MELK: variants seen among roughly 807,000 people sequenced by gnomAD.
MELK encodes the protein maternal embryonic leucine zipper kinase, also known as pEg3 kinase.
Under a neutral mutation model 85.0 loss-of-function variants are expected in MELK, and 81 were observed. The observed-to-expected ratio is 0.95, with a 90% CI of 0.80 to 1.15. MELK has a LOEUF of 1.15. MELK is among the 50% of genes most tolerant of loss of function. MELK has a pLI of 0.00. For missense variants in MELK, 754 were observed against 777.5 expected, an observed-to-expected ratio of 0.97 and a Z score of 0.36; for synonymous variants, 252 against 265.0, an observed-to-expected ratio of 0.95 and a Z score of 0.48.
intron 7 of MELK, among the ~76,000 whole-genome samples, chr9:36,600,681 G>A (rs760713498): frequency 2.7e-4 from 41 of 152,114 alleles, no homozygotes; most frequent in Non-Finnish European, 5.3e-4. Context: ...CACCGTGCCC[G>A]GCTCTGGCCT....
chr9:36,632,285 A>T (rs555844841), intron 9 of MELK, among the ~76,000 whole-genome samples: 1 of 152,318 alleles, frequency 6.6e-6, no homozygotes, highest in East Asian at 1.9e-4. Context: ...AGGAGTGCTG[A>T]AGCCTAGGTA....
chr9:36,604,072 C>T (rs773366167), intron 7 of MELK, among the ~76,000 whole-genome samples: 17 of 151,238 alleles, frequency 1.1e-4, no homozygotes, highest in Non-Finnish European at 1.2e-4. Context: ...CGAGTTCAAG[C>T]GATTCTCCTG....
intron 10 of MELK, among the ~76,000 whole-genome samples, chr9:36,640,578 C>G (rs1480275827): frequency 6.6e-6 from 1 of 152,152 alleles, no homozygotes. Context: ...TCCTGAGTAG[C>G]TAGGACTACG....
At chr9:36,650,557 C>T (rs1830613001) in intron 11 of MELK, among the ~76,000 whole-genome samples, 1 of 152,172 alleles carries the variant, frequency 6.6e-6, no homozygotes, top group South Asian at 2.1e-4. Flanking sequence ...TATTATCAAC[C>T]CAGAATTCTC....
At chr9:36,586,811 G>A (rs1323431595) in intron 3 of MELK, among the ~76,000 whole-genome samples, 1 of 151,998 alleles carries the variant, frequency 6.6e-6, no homozygotes, top group African/African-American at 2.4e-5. Flanking sequence ...GCTCATTTTA[G>A]TTATTTTCTA....
chr9:36,662,858 T>A (rs1831988510), intron 13 of MELK, among the ~76,000 whole-genome samples: 1 of 152,174 alleles, frequency 6.6e-6, no homozygotes, highest in Admixed American at 6.5e-5. Context: ...CTGTTAGGGC[T>A]ACTGCGTTGC....
At chr9:36,663,420 A>T (rs1313033117) in intron 13 of MELK, among the ~76,000 whole-genome samples, 5 of 152,182 alleles carry the variant, frequency 3.3e-5, no homozygotes, top group Non-Finnish European at 7.4e-5. Flanking sequence ...TTTATAGAGT[A>T]CAAGTACAAT....
rs1832263897 is a variant in MELK at position 36,665,581 on chromosome 9, G to T, written c.1408G>T (p.Ala470Ser). ...AAATCGTTACACTACACCCTCAAAA[G>T]GTATTTGCTAAGTGAATTAAGCAGT... ...TPNRYTTPSK[A>S]RNQCLKETPI... Residue 470 changes from alanine (A) to serine (S), a missense_variant and splice_region_variant, in exon 14 of 18, where the codon GCT (alanine) becomes TCT (serine). By Grantham distance (99) the Ala-to-Ser change is moderately conservative. Transcript: ENST00000298048. 1 of 1,600,952 alleles carries T rather than the reference G, an allele frequency of 6.2e-7. No homozygotes were observed. Among genetic ancestry groups the T allele is most frequent in the Admixed American group, 1.7e-5 (1 of 58,744 alleles).
intron 14 of MELK, among the ~76,000 whole-genome samples, chr9:36,666,437 C>T (rs903334692): frequency 6.6e-6 from 1 of 152,052 alleles, no homozygotes; most frequent in East Asian, 1.9e-4. Context: ...ATGCCTAGTA[C>T]ATAATAGGGG....
intron 8 of MELK, among the ~76,000 whole-genome samples, chr9:36,624,448 G>T (rs1827753505): frequency 6.6e-6 from 1 of 152,156 alleles, no homozygotes; most frequent in Admixed American, 6.6e-5. Context: ...GTAAGAGGCG[G>T]AACTGGGATT....
chr9:36,613,621 T>C (rs1271566155), intron 8 of MELK, among the ~76,000 whole-genome samples: 1 of 152,196 alleles, frequency 6.6e-6, no homozygotes, highest in East Asian at 1.9e-4. Flanking sequence ...CATGATTAAA[T>C]AAGGTGGTCA....
At chr9:36,654,297 TACG>T (rs1227850386) in intron 12 of MELK, among the ~76,000 whole-genome samples, 1 of 151,210 alleles carries the variant, frequency 6.6e-6, no homozygotes, top group African/African-American at 2.4e-5. Context: ...TTTTAAAATT[TACG>T]ACACCTCAGT....
chr9:36,644,845 A>G (rs1034974421), intron 11 of MELK, among the ~76,000 whole-genome samples: 4 of 152,326 alleles, frequency 2.6e-5, no homozygotes, highest in African/African-American at 7.2e-5. Flanking sequence ...AATTTAATCT[A>G]TATCCTACCA....
At chr9:36,614,443 T>TTTTTA (rs1554722238) in intron 8 of MELK, among the ~76,000 whole-genome samples, 1 of 129,894 alleles carries the variant, frequency 7.7e-6, no homozygotes, top group African/African-American at 3.0e-5. Flanking sequence ...TTTTTTTTTT[T>TTTTTA]AATTTATTTT....
intron 12 of MELK, among the ~76,000 whole-genome samples, chr9:36,652,836 TTG>T (rs991522871): frequency 6.6e-6 from 1 of 152,152 alleles, no homozygotes; most frequent in Non-Finnish European, 1.5e-5. Flanking sequence ...TTAATATTTA[TTG>T]TGTCTTTCCA....
chr9:36,643,191 TG>T, intron 11 of MELK, 108 bp downstream of exon 11: 1 of 796,960 alleles, frequency 1.3e-6, no homozygotes, highest in South Asian at 1.9e-5. Context: ...GAGACCAGCC[TG>T]GCCAATGTGG....
At chr9:36,639,667 T>G (rs1829564522) in intron 10 of MELK, among the ~76,000 whole-genome samples, 1 of 152,186 alleles carries the variant, frequency 6.6e-6, no homozygotes, top group Non-Finnish European at 1.5e-5. Flanking sequence ...AGACACAGCT[T>G]GAGATTAATC....
At chr9:36,642,310 T>C (rs1829826553) in intron 10 of MELK, among the ~76,000 whole-genome samples, 1 of 152,074 alleles carries the variant, frequency 6.6e-6, no homozygotes, top group Admixed American at 6.6e-5. Context: ...CAGTCTGTTG[T>C]ATAGCCACTG....
intron 4 of MELK, among the ~76,000 whole-genome samples, chr9:36,590,530 GTC>G (rs1446758042): frequency 6.6e-6 from 1 of 152,106 alleles, no homozygotes; most frequent in African/African-American, 2.4e-5. Context: ...CTGTCCAAAT[GTC>G]TCTCTTCTTA....
Sources: allele counts gnomAD v4.1 joint callset (sites outside exome capture counted in the v4.1 genomes callset), GRCh38; gene constraint gnomAD v4.1.1; transcripts MANE v1.5; gene names NCBI Gene and HGNC (gene_info 2026-07-23, HGNC 2026-07-21).